The following CERS1 variants were observed in gnomAD, a reference collection of about 807,000 sequenced individuals.
CERS1 encodes the protein ceramide synthase 1.
CERS1 carries 16 observed loss-of-function variants against 35.7 expected under a neutral mutation model. The observed-to-expected ratio is 0.45, with a 90% CI of 0.30 to 0.68. The LOEUF (loss-of-function observed/expected upper bound fraction) is 0.68. Among genes scored for constraint, CERS1 ranks in the 30% least tolerant of loss-of-function variants. The pLI, the probability that CERS1 is intolerant of heterozygous loss-of-function variation, is 0.08. For synonymous variants in CERS1, 243 were observed against 201.6 expected, an observed-to-expected ratio of 1.21 and a Z score of -1.74; for missense variants, 454 against 453.9, an observed-to-expected ratio of 1.00 and a Z score of 0.00.
At chr19:18,894,104 G>A (rs1276723693) in intron 1 of CERS1, among the ~76,000 whole-genome samples, 1 of 151,734 alleles carries the variant, frequency 6.6e-6, no homozygotes, top group Non-Finnish European at 1.5e-5. Context: ...TGGGAACCTG[G>A]GGGCGATGAA....
intron 3 of CERS1, among the ~76,000 whole-genome samples, chr19:18,882,367 T>A (rs998768540): frequency 2.6e-5 from 4 of 151,544 alleles, no homozygotes; most frequent in Non-Finnish European, 1.5e-5. Context: ...ACGTGGTGGC[T>A]CACACCTGTA....
intron 6 of CERS1, among the ~76,000 whole-genome samples, chr19:18,874,045 C>T (rs1412855293): frequency 1.3e-5 from 2 of 152,084 alleles, no homozygotes; most frequent in Non-Finnish European, 2.9e-5. Flanking sequence ...TGGAGAAGAG[C>T]AGAGAGCACG....
intron 2 of CERS1, among the ~76,000 whole-genome samples, chr19:18,887,914 T>A (rs1007985928): frequency 1.3e-5 from 2 of 151,910 alleles, no homozygotes; most frequent in Non-Finnish European, 2.9e-5. Context: ...TCTCTCCCCA[T>A]TCCCCTCCCC....
chr19:18,885,863 C>T (rs2056344223), intron 2 of CERS1, among the ~76,000 whole-genome samples: 1 of 152,096 alleles, frequency 6.6e-6, no homozygotes, highest in Non-Finnish European at 1.5e-5. Context: ...TGTCCTGGGC[C>T]CACTCCCTGC....
chr19:18,880,538 C>T, intron 3 of CERS1, 103 bp from the exon 4 acceptor site: 1 of 1,178,566 alleles, frequency 8.5e-7, no homozygotes, highest in Non-Finnish European at 1.2e-6. Flanking sequence ...CTCAGGCTCC[C>T]CGTGGGCCTC....
chr19:18,872,356 G>GT (rs578111753), intron 6 of CERS1, among the ~76,000 whole-genome samples: 81 of 150,866 alleles, frequency 5.4e-4, no homozygotes, highest in South Asian at 1.7e-3. Flanking sequence ...TTCTTGTTTT[G>GT]TTTTTTTTTG....
chr19:18,879,244 G>A lies in CERS1; in HGVS notation c.897C>T (p.Phe299=). The stretch of plus-strand genomic sequence containing the variant: ...AGGAGAGCCGGGGCCGACTCACCAG[G>A]AACCAGTAGAGGTTCATAAGGGTGA... ...LLLTLMNLYW[F]LYIVAFAAKV... The change falls in exon 5 of 8, where the codon TTC becomes TTT. Residue 299 remains phenylalanine, a synonymous_variant. Transcript: ENST00000623882. 6.2e-7 allele frequency: 1 copy of A among 1,613,656 alleles called. No homozygotes were observed. Among genetic ancestry groups the A allele is most frequent in the Non-Finnish European group, 8.5e-7 (1 of 1,179,798 alleles).
chr19:18,878,994 C>A lies in CERS1; in HGVS notation c.946G>T (p.Glu316Ter), dbSNP rs774607554. 6.2e-7 allele frequency: 1 copy of A among 1,613,818 alleles called. No homozygotes were observed. Among genetic ancestry groups the A allele is most frequent in the Non-Finnish European group, 8.5e-7 (1 of 1,179,852 alleles). ...AAKVLTGQVHELKDLREYDTA... is the reference protein window; with the variant it reads ...AAKVLTGQVH Reference sequence around the variant, plus strand: ...TCATACTCCCGCAGGTCCTTCAGCTCGTGCACCTGGCCTGTCAACACCTTG... The same window carrying A: ...TCATACTCCCGCAGGTCCTTCAGCTAGTGCACCTGGCCTGTCAACACCTTG... Residue 316 changes from glutamate to a stop codon, truncating the protein, a stop_gained, in exon 6 of 8, where the codon GAG (glutamate) becomes TAG (stop). Coordinates refer to ENST00000623882, the MANE Select transcript of CERS1 (RefSeq NM_021267.5). LOFTEE classifies it high-confidence loss of function. The surrounding 1 kb of genome is among the most constrained non-coding windows in gnomAD (Gnocchi z 4.6).
At chr19:18,896,353 A>G (rs1360349809), upstream of CERS1, among the ~76,000 whole-genome samples, 8 of 147,764 alleles carry the variant, frequency 5.4e-5, no homozygotes, top group Non-Finnish European at 1.2e-4. The surrounding 1 kb of genome is among the most constrained non-coding windows in gnomAD (Gnocchi z 5.9). Context: ...TTGGACCTGG[A>G]CCCCGAGAGA....
At chr19:18,894,493 G>A (rs774417523) in intron 1 of CERS1, among the ~76,000 whole-genome samples, 3 of 152,126 alleles carry the variant, frequency 2.0e-5, no homozygotes, top group African/African-American at 7.2e-5. Flanking sequence ...GAAATGGGGC[G>A]AGCACCCCAC....
chr19:18,868,699 G>C lies in CERS1; in HGVS notation c.*1286C>G, dbSNP rs1341281240. 2.6e-6 allele frequency: 4 copies of C among 1,556,840 alleles called. No homozygotes were observed. In the Admixed American group the frequency reaches 5.7e-5, roughly 22 times the overall value. ...GCACGGAGATGGGCGACAGGCGCGC[G>C]GGCACGCAGCAGGGCAGGTCGGCGG... On this transcript the variant is annotated 3_prime_UTR_variant, in exon 8 of 8. Coordinates refer to ENST00000623882, the MANE Select transcript of CERS1 (RefSeq NM_021267.5).
Position 18,884,113 on chromosome 19 carries a change from G to A in CERS1, c.564C>T (p.Ile188=), listed in dbSNP as rs771648489. Reference sequence around the variant, plus strand: ...GGAAGGCGTAGGAGGAGACGATGAGGATGAGAGTGACCACGTGGTGGAGCA... The same window carrying A: ...GGAAGGCGTAGGAGGAGACGATGAGAATGAGAGTGACCACGTGGTGGAGCA... ...VMLLHHVVTL[I]LIVSSYAFRY... is the part of the protein sequence containing the mutation. The change falls in exon 3 of 8, where the codon ATC becomes ATT. Residue 188 remains isoleucine (I), a synonymous_variant. Coordinates refer to ENST00000623882, the MANE Select transcript of CERS1 (RefSeq NM_021267.5). The A allele has an allele frequency of 1.2e-6, 2 of 1,613,538 alleles. No homozygotes were observed. The highest frequency in any genetic ancestry group is 2.7e-5 in the African/African-American group (2 of 74,938).
At chr19:18,893,316 G>A (rs574868929) in intron 2 of CERS1, 100 bp downstream of exon 2, 1 of 1,366,064 alleles carries the variant, frequency 7.3e-7, no homozygotes, top group African/African-American at 1.5e-5. Context: ...CTGGGCTCCA[G>A]TGATCCTCCT....
intron 6 of CERS1, among the ~76,000 whole-genome samples, chr19:18,875,987 G>GT (rs2056054167): frequency 6.6e-6 from 1 of 152,338 alleles, no homozygotes; most frequent in African/African-American, 2.4e-5. Context: ...AGTTCCTGTG[G>GT]TTTTAAGTCA....
chr19:18,891,751 G>C (rs1378848145), intron 2 of CERS1, among the ~76,000 whole-genome samples: 2 of 150,836 alleles, frequency 1.3e-5, no homozygotes, highest in Non-Finnish European at 1.5e-5. Flanking sequence ...CTAATTTTTT[G>C]TAGAGATGGA....
At chr19:18,879,690 A>G (rs1265609009) in intron 4 of CERS1, among the ~76,000 whole-genome samples, 3 of 35,040 alleles carry the variant, frequency 8.6e-5, no homozygotes, top group African/African-American at 3.6e-4. Context: ...CACCTACCTC[A>G]CCAAACCCCA....
chr19:18,880,337 C>G lies in CERS1; in HGVS notation c.689G>C (p.Gly230Ala), dbSNP rs755440386. ...KLNIYFKSRG[G>A]SYHRLHALAA... ...CAAGGCATGCAGCCGATGGTAGGAG[C>G]CGCCGCGGGACTTGAAGTAAATGTT... The change falls in exon 4 of 8, where the codon GGC (glycine) becomes GCC (alanine). Residue 230 changes from glycine (G) to alanine (A), a missense_variant. Coordinates refer to ENST00000623882, the MANE Select transcript of CERS1 (RefSeq NM_021267.5). 9 of 1,556,018 alleles carry G rather than the reference C, an allele frequency of 5.8e-6. No individual in the cohort carries two copies. The highest frequency in any genetic ancestry group is 7.8e-6 in the Non-Finnish European group (9 of 1,150,006).
chr19:18,876,872 A>T (rs2056069502), intron 6 of CERS1, among the ~76,000 whole-genome samples: 1 of 152,060 alleles, frequency 6.6e-6, no homozygotes, highest in African/African-American at 2.4e-5. Context: ...ATTTGAATTC[A>T]CCAGCTTCTT....
At chr19:18,886,088 G>A (rs2146040863) in intron 2 of CERS1, among the ~76,000 whole-genome samples, 1 of 152,154 alleles carries the variant, frequency 6.6e-6, no homozygotes, top group Middle Eastern at 3.4e-3. Context: ...CACATCCCCA[G>A]AGGCTGCCAG....
Sources: allele counts gnomAD v4.1 joint callset (sites outside exome capture counted in the v4.1 genomes callset), GRCh38; gene constraint gnomAD v4.1.1; non-coding constraint Gnocchi (gnomAD v3.1); transcripts MANE v1.5; gene names NCBI Gene and HGNC (gene_info 2026-07-23, HGNC 2026-07-21).